GABPA: variants seen among roughly 807,000 people sequenced by gnomAD.
GABPA encodes GA binding protein transcription factor subunit alpha, also known as GA-binding protein alpha chain.
Under a neutral mutation model 59.4 loss-of-function variants are expected in GABPA, and 4 were observed. The ratio of observed to expected loss-of-function variants is 0.07; its 90% CI spans 0.03 to 0.15. GABPA has a LOEUF of 0.15. Ranked by LOEUF, GABPA falls within the 10% of genes least tolerant of loss-of-function variation. The pLI is 1.00. For missense variants in GABPA, 251 were observed against 543.8 expected, an observed-to-expected ratio of 0.46 and a Z score of 5.36; for synonymous variants, 164 against 183.1, an observed-to-expected ratio of 0.90 and a Z score of 0.84.
chr21:25,763,320 A>G (rs886075892), intron 7 of GABPA: 3 of 307,922 alleles, frequency 9.7e-6, no homozygotes, highest in African/African-American at 6.7e-5. Context: ...CTTATGCCAT[A>G]AGCTTTTAGC....
chr21:25,753,666 C>G (rs564662412), intron 5 of GABPA, among the ~76,000 whole-genome samples: 9 of 151,948 alleles, frequency 5.9e-5, no homozygotes, highest in African/African-American at 2.2e-4. Context: ...CTAGAGTTGG[C>G]GAGACAAAAC....
chr21:25,740,409 G>A (rs982924441), intron 1 of GABPA, among the ~76,000 whole-genome samples: 15 of 152,176 alleles, frequency 9.9e-5, no homozygotes, highest in African/African-American at 2.7e-4. Context: ...GTGGTAGTAC[G>A]CTTAGAATAA....
intron 2 of GABPA, among the ~76,000 whole-genome samples, chr21:25,743,678 A>G (rs942652795): frequency 6.6e-6 from 1 of 151,986 alleles, no homozygotes; most frequent in East Asian, 1.9e-4. Flanking sequence ...AAAAATGTTT[A>G]ATGTTCAGCT....
In GABPA at chr21:25,752,151, A is replaced by G; in HGVS notation, c.470A>G (p.Asp157Gly). The G allele has an allele frequency of 6.2e-7, 1 of 1,610,664 alleles. No individual in the cohort carries two copies. The highest frequency in any genetic ancestry group is 8.5e-7 in the Non-Finnish European group (1 of 1,177,180). The change falls in exon 5 of 10, where the codon GAT (aspartate) becomes GGT (glycine). Residue 157 changes from aspartate (D) to glycine (G), a missense_variant. Physicochemically the swap from Asp to Gly is moderately conservative, Grantham distance 94 (BLOSUM62 -1). Around this residue, in one of 4 missense-constraint regions of GABPA, gnomAD observed 207 missense variants for 366.7 expected, o/e 0.56. Transcript: ENST00000400075. Reference sequence around the variant, plus strand: ...ACAAAACACATCACAACCATTTCAGATGAAACTTCAGAACAAGTGACAAGA... The same window carrying G: ...ACAAAACACATCACAACCATTTCAGGTGAAACTTCAGAACAAGTGACAAGA... Reference protein sequence around the residue: ...DGTKHITTISDETSEQVTRWA... With the variant: ...DGTKHITTISGETSEQVTRWA...
chr21:25,741,030 C>G (rs1041217797), intron 1 of GABPA, among the ~76,000 whole-genome samples: 1 of 152,068 alleles, frequency 6.6e-6, no homozygotes, highest in Non-Finnish European at 1.5e-5. Flanking sequence ...CAATTGGTCC[C>G]GAAAACATCT....
At position 25,772,205 on chromosome 21, in the gene GABPA, A is replaced by G. The variant is rs530198777; in HGVS notation, c.*2973A>G. 1.3e-5 allele frequency: 2 copies of G among 152,134 alleles called. No homozygotes were observed. Among genetic ancestry groups the G allele is most frequent in the Admixed American group, 6.5e-5 (1 of 15,280 alleles). 9.4% of individuals were successfully genotyped at this position (152,134 alleles called of 1,614,324 possible). A position where few individuals can be genotyped will look rare whatever the true frequency, so the allele number is the denominator to read the frequency against. ...AGGGTGTAAAAATATTGATACTTCA[A>G]TATTTCACTTGCTGCCAGGAAAAAC... On this transcript the variant is annotated 3_prime_UTR_variant, in exon 10 of 10. Coordinates refer to ENST00000400075, the MANE Select transcript of GABPA (RefSeq NM_002040.4).
At chr21:25,759,199 C>T (rs966711986) in intron 6 of GABPA, among the ~76,000 whole-genome samples, 10 of 152,342 alleles carry the variant, frequency 6.6e-5, no homozygotes, top group African/African-American at 2.4e-4. Context: ...CCGAAAGCAA[C>T]CCATTCCTTG....
At chr21:25,749,209 T>A (rs909997856) in intron 4 of GABPA, 89 bp downstream of exon 4, 1 of 740,462 alleles carries the variant, frequency 1.4e-6, no homozygotes, top group African/African-American at 1.8e-5. Context: ...TCGATGGTTG[T>A]CTACATTACT....
intron 1 of GABPA, among the ~76,000 whole-genome samples, chr21:25,737,633 C>G (rs964496854): frequency 6.6e-6 from 1 of 152,184 alleles, no homozygotes; most frequent in Non-Finnish European, 1.5e-5. Context: ...CCCCAGGTGT[C>G]CCTGCTGATA....
chr21:25,763,270 G>T, intron 7 of GABPA: 1 of 376,668 alleles, frequency 2.7e-6, no homozygotes, highest in Non-Finnish European at 5.2e-6. Flanking sequence ...CTCTTTTGGG[G>T]CATTTTTCCC....
At chr21:25,759,884 C>T (rs550315910) in intron 6 of GABPA, among the ~76,000 whole-genome samples, 5 of 152,284 alleles carry the variant, frequency 3.3e-5, no homozygotes, top group African/African-American at 1.2e-4. Flanking sequence ...CCCAAATCCA[C>T]GTTTTTTCCA....
At chr21:25,740,069 A>G (rs765768576) in intron 1 of GABPA, among the ~76,000 whole-genome samples, 10 of 152,168 alleles carry the variant, frequency 6.6e-5, no homozygotes, top group Non-Finnish European at 1.3e-4. Context: ...TGATATACGC[A>G]ATACAGAGCC....
At chr21:25,744,910 A>G (rs2035322136) in intron 2 of GABPA, among the ~76,000 whole-genome samples, 1 of 152,168 alleles carries the variant, frequency 6.6e-6, no homozygotes, top group African/African-American at 2.4e-5. Context: ...TGTAATGCAA[A>G]TGCAAACATA....
At chr21:25,760,399 A>G (rs2035736559) in intron 6 of GABPA, among the ~76,000 whole-genome samples, 1 of 152,170 alleles carries the variant, frequency 6.6e-6, no homozygotes. Flanking sequence ...TTAATAACCC[A>G]GCCTCTATTA....
chr21:25,751,311 A>G (rs1325354449), intron 4 of GABPA, among the ~76,000 whole-genome samples: 1 of 151,396 alleles, frequency 6.6e-6, no homozygotes, highest in Non-Finnish European at 1.5e-5. Flanking sequence ...TTAAATCAAA[A>G]TCAGAATTTT....
chr21:25,767,505 T>G (rs1290501611), intron 9 of GABPA, among the ~76,000 whole-genome samples: 2 of 151,944 alleles, frequency 1.3e-5, no homozygotes, highest in Non-Finnish European at 2.9e-5. Flanking sequence ...AAAAGAAGTA[T>G]TCAGTAAAAT....
At chr21:25,763,209 T>C in intron 7 of GABPA, 1 of 512,590 alleles carries the variant, frequency 2.0e-6, no homozygotes, top group Non-Finnish European at 3.8e-6. Flanking sequence ...CTTAAACATC[T>C]TTCATTAAAA....
chr21:25,747,989 G>A (rs915770593), intron 3 of GABPA, among the ~76,000 whole-genome samples: 11 of 151,956 alleles, frequency 7.2e-5, no homozygotes, highest in Non-Finnish European at 1.0e-4. Flanking sequence ...TCACTGCAAC[G>A]TCCGCCTACC....
chr21:25,746,070 C>T (rs1014413106), intron 3 of GABPA, among the ~76,000 whole-genome samples: 4 of 151,108 alleles, frequency 2.6e-5, no homozygotes, highest in African/African-American at 7.3e-5. Flanking sequence ...TTAGTGCAGT[C>T]GTGTAGTTTC....
Sources: gnomAD v4.1 joint callset for allele counts (sites outside exome capture counted in the v4.1 genomes callset) on GRCh38, gnomAD v4.1.1 for gene constraint, gnomAD v4.1.1 regional missense constraint, MANE v1.5 for transcripts, NCBI Gene and HGNC (gene_info 2026-07-23, HGNC 2026-07-21) for gene names.